PRKCE: variants seen among roughly 807,000 people sequenced by gnomAD.
PRKCE encodes the protein protein kinase C epsilon.
PRKCE carries 16 observed loss-of-function variants against 85.4 expected under a neutral mutation model. The ratio of observed to expected loss-of-function variants is 0.19; its 90% CI spans 0.13 to 0.28. The LOEUF (loss-of-function observed/expected upper bound fraction) is 0.28. Ranked by LOEUF, PRKCE falls within the 10% of genes least tolerant of loss-of-function variation. The pLI, the probability that PRKCE is intolerant of heterozygous loss-of-function variation, is 1.00. For synonymous variants in PRKCE, 388 were observed against 371.5 expected (o/e 1.04, Z -0.51); for missense variants, 573 against 975.2 (o/e 0.59, Z 5.49).
At chr2:45,909,664 C>T (rs1174969264) in intron 2 of PRKCE, among the ~76,000 whole-genome samples, 2 of 152,222 alleles carry the variant, frequency 1.3e-5, no homozygotes, top group East Asian at 1.9e-4. Context: ...CCCCTACCCC[C>T]ATTCTGTGCT....
At chr2:46,109,160 T>A (rs531379976) in intron 11 of PRKCE, among the ~76,000 whole-genome samples, 11 of 152,304 alleles carry the variant, frequency 7.2e-5, no homozygotes, top group African/African-American at 2.4e-4. Flanking sequence ...TCTTCAGTAA[T>A]GTTTTGGGTC....
intron 2 of PRKCE, among the ~76,000 whole-genome samples, chr2:45,970,750 A>G (rs1401195017): frequency 1.3e-5 from 2 of 152,012 alleles, no homozygotes; most frequent in East Asian, 1.9e-4. Context: ...ATGTAGCTGA[A>G]TGTCTTTGTT....
chr2:45,949,908 C>T (rs1700512640), intron 2 of PRKCE, among the ~76,000 whole-genome samples: 1 of 151,146 alleles, frequency 6.6e-6, no homozygotes, highest in Admixed American at 6.6e-5. Flanking sequence ...AAAGAAAACT[C>T]AGTCCAAATA....
At chr2:45,978,683 G>A (rs556156948) in intron 3 of PRKCE, 35 of 330,406 alleles carry the variant, frequency 1.1e-4, no homozygotes, top group South Asian at 3.3e-4. Context: ...AAGCAGGGTC[G>A]TTTGTGGCTT....
intron 11 of PRKCE, among the ~76,000 whole-genome samples, chr2:46,086,694 T>C (rs1669671022): frequency 6.6e-6 from 1 of 152,170 alleles, no homozygotes; most frequent in African/African-American, 2.4e-5. Flanking sequence ...CATCAGGGCA[T>C]TCTCTTTACG....
At chr2:45,993,868 G>T (rs368451444) in intron 6 of PRKCE, among the ~76,000 whole-genome samples, 2 of 152,036 alleles carry the variant, frequency 1.3e-5, no homozygotes, top group Non-Finnish European at 2.9e-5. Flanking sequence ...TAGTCAAGTC[G>T]GTGCCATGGC....
At chr2:45,882,885 C>G (rs1443365140) in intron 2 of PRKCE, among the ~76,000 whole-genome samples, 1 of 152,242 alleles carries the variant, frequency 6.6e-6, no homozygotes, top group Non-Finnish European at 1.5e-5. Flanking sequence ...AAGCAGGCTC[C>G]CTGCAAAAGG....
intron 1 of PRKCE, among the ~76,000 whole-genome samples, chr2:45,669,942 C>G: frequency 6.6e-6 from 1 of 152,160 alleles, no homozygotes; most frequent in African/African-American, 2.4e-5. Context: ...ACCCAGGAGG[C>G]AGAGGTTGCA....
chr2:46,013,770 T>A (rs181301087), intron 10 of PRKCE, among the ~76,000 whole-genome samples: 6 of 152,326 alleles, frequency 3.9e-5, no homozygotes, highest in Admixed American at 3.3e-4. Flanking sequence ...AGCCTTTATT[T>A]TTCAATATAT....
chr2:45,894,123 T>G (rs1695951505), intron 2 of PRKCE, among the ~76,000 whole-genome samples: 1 of 152,112 alleles, frequency 6.6e-6, no homozygotes, highest in Non-Finnish European at 1.5e-5. Context: ...TTGGCACACA[T>G]TAGGTGTTCA....
intron 2 of PRKCE, among the ~76,000 whole-genome samples, chr2:45,933,513 G>T (rs530587153): frequency 3.5e-5 from 4 of 113,208 alleles, no homozygotes; most frequent in Admixed American, 1.3e-4. Context: ...TCGCTCTGCC[G>T]CCCAGGCTGG....
chr2:45,918,466 A>G (rs771317895), intron 2 of PRKCE, among the ~76,000 whole-genome samples: 1 of 152,236 alleles, frequency 6.6e-6, no homozygotes. Context: ...TTCAGCCTCT[A>G]TTCAACTAGC....
chr2:45,865,823 T>C (rs1385171352), intron 2 of PRKCE, among the ~76,000 whole-genome samples: 2 of 149,282 alleles, frequency 1.3e-5, no homozygotes, highest in Non-Finnish European at 1.5e-5. Flanking sequence ...TTCTTTTTTT[T>C]TTTTTTTTTT....
chr2:45,754,359 G>T (rs1683832583), intron 1 of PRKCE, among the ~76,000 whole-genome samples: 1 of 152,234 alleles, frequency 6.6e-6, no homozygotes, highest in Non-Finnish European at 1.5e-5. Context: ...TATGTTTACA[G>T]AACAGATATG....
intron 2 of PRKCE, among the ~76,000 whole-genome samples, chr2:45,963,898 C>G (rs987728429): frequency 2.0e-5 from 3 of 152,334 alleles, no homozygotes; most frequent in African/African-American, 7.2e-5. Context: ...CTGCGGTAGT[C>G]TGGGAAATTG....
chr2:45,951,479 C>G (rs1247588431), intron 2 of PRKCE, among the ~76,000 whole-genome samples: 2 of 152,344 alleles, frequency 1.3e-5, no homozygotes, highest in South Asian at 4.1e-4. Flanking sequence ...GCCCCCACTC[C>G]TGAGTCAAGG....
At chr2:46,101,146 G>A (rs1558455574) in intron 11 of PRKCE, among the ~76,000 whole-genome samples, 1 of 152,184 alleles carries the variant, frequency 6.6e-6, no homozygotes, top group Non-Finnish European at 1.5e-5. Context: ...GGGATTACAG[G>A]TGTGAGCCAC....
At chr2:45,846,138 T>G (rs188790945) in intron 2 of PRKCE, among the ~76,000 whole-genome samples, 1 of 152,212 alleles carries the variant, frequency 6.6e-6, no homozygotes, top group Admixed American at 6.5e-5. Context: ...CTCTCCAGGC[T>G]CTCCAGATGC....
intron 14 of PRKCE, among the ~76,000 whole-genome samples, chr2:46,176,144 T>G (rs1430983312): frequency 3.3e-5 from 5 of 152,000 alleles, no homozygotes; most frequent in Middle Eastern, 3.2e-3. Context: ...CAAAGAGAAA[T>G]AGCTCCAAAG....
Sources: allele counts gnomAD v4.1 joint callset (sites outside exome capture counted in the v4.1 genomes callset), GRCh38; gene constraint gnomAD v4.1.1; transcripts MANE v1.5; gene names NCBI Gene and HGNC (gene_info 2026-07-23, HGNC 2026-07-21).